CMKLR1: variants seen among roughly 807,000 people sequenced by gnomAD.
The protein encoded by CMKLR1 is chemerin-like receptor 1.
A neutral mutation model predicts 8.2 loss-of-function variants in CMKLR1; 6 were observed. That is an observed-to-expected ratio of 0.73 (90% CI 0.40 to 1.44). The LOEUF (loss-of-function observed/expected upper bound fraction) is 1.44. CMKLR1 is among the 40% of genes most tolerant of loss of function. The pLI is 0.02. For missense variants in CMKLR1, 429 were observed against 478.0 expected (o/e 0.90, Z 0.96); for synonymous variants, 178 against 181.2 (o/e 0.98, Z 0.14).
chr12:108,338,754 A>G (rs1892288561), intron 1 of CMKLR1, among the ~76,000 whole-genome samples: 1 of 152,240 alleles, frequency 6.6e-6, no homozygotes, highest in African/African-American at 2.4e-5. Flanking sequence ...ATATTGGAAG[A>G]ATATAGGTGA....
At chr12:108,338,871 A>T (rs1892290481) in intron 1 of CMKLR1, among the ~76,000 whole-genome samples, 156 bp downstream of exon 1, 1 of 152,254 alleles carries the variant, frequency 6.6e-6, no homozygotes, top group African/African-American at 2.4e-5. Flanking sequence ...TTAAACAATG[A>T]ACATGCATTA....
At position 108,339,046 on chromosome 12, in the gene CMKLR1, C is replaced by T. The variant is rs1366915713; in HGVS notation, c.-306G>A. ...TGATACCTTCCCTCTGGTCTCTGCC[C>T]GGAAGGTCTTCCTGAGGGTTCCCTG... On this transcript the variant is annotated 5_prime_UTR_variant, in exon 1 of 4. Coordinates refer to ENST00000550402, the MANE Select transcript of CMKLR1 (RefSeq NM_001142343.2). 1 of 152,242 alleles carries T rather than the reference C, an allele frequency of 6.6e-6. No individual in the cohort carries two copies. The highest frequency in any genetic ancestry group is 2.4e-5 in the African/African-American group (1 of 41,446). 9.4% of individuals were successfully genotyped at this position (152,242 alleles called of 1,614,324 possible).
At chr12:108,310,994 G>A (rs1891549427) in intron 2 of CMKLR1, among the ~76,000 whole-genome samples, 1 of 150,348 alleles carries the variant, frequency 6.7e-6, no homozygotes, top group African/African-American at 2.5e-5. Flanking sequence ...GCAGATGAAG[G>A]AGCAGTCAGC....
intron 1 of CMKLR1, among the ~76,000 whole-genome samples, 152 bp downstream of exon 1, chr12:108,338,875 T>C (rs1284081805): frequency 6.6e-6 from 1 of 152,246 alleles, no homozygotes; most frequent in African/African-American, 2.4e-5. Flanking sequence ...ACAATGAACA[T>C]GCATTACTTT....
rs144018445 is a variant in CMKLR1, at chr12:108,324,431, G to A, written c.-74+5564C>T. ...TACAATGGAGAGGTGAGGGGAAGAG[G>A]ATCCTATCATGTGGGAGCACTCCCC... is the stretch of plus-strand genomic sequence containing the variant. On this transcript the variant is annotated intron_variant, in intron 2 of 3. Transcript: ENST00000550402. 6.9e-3 allele frequency among the ~76,000 whole-genome samples: 1,057 copies of A among 152,190 alleles called. 4 individuals are homozygous for A. Among genetic ancestry groups the A allele is most frequent in the Non-Finnish European group, 0.012 (793 of 68,012 alleles).
chr12:108,337,243 T>A (rs1892248806), intron 1 of CMKLR1, among the ~76,000 whole-genome samples: 1 of 152,278 alleles, frequency 6.6e-6, no homozygotes, highest in South Asian at 2.1e-4. Flanking sequence ...AATAGTACCT[T>A]CATCATGTGG....
intron 2 of CMKLR1, among the ~76,000 whole-genome samples, chr12:108,301,814 C>T (rs1467221590): frequency 1.3e-5 from 2 of 152,162 alleles, no homozygotes; most frequent in East Asian, 1.9e-4. Flanking sequence ...CACTCAATTG[C>T]TCATCTTGTG....
At chr12:108,321,282 A>T (rs1891855822) in intron 2 of CMKLR1, among the ~76,000 whole-genome samples, 1 of 152,160 alleles carries the variant, frequency 6.6e-6, no homozygotes, top group South Asian at 2.1e-4. Context: ...AAAAAATAAT[A>T]ATGTAATGCA....
intron 2 of CMKLR1, among the ~76,000 whole-genome samples, chr12:108,321,824 G>A (rs899354635): frequency 5.9e-5 from 9 of 152,174 alleles, no homozygotes; most frequent in Non-Finnish European, 7.4e-5. Flanking sequence ...TAGGAATTGA[G>A]CACATATGGT....
intron 2 of CMKLR1, among the ~76,000 whole-genome samples, chr12:108,314,886 C>T (rs558358085): frequency 1.1e-3 from 161 of 151,978 alleles, no homozygotes; most frequent in Non-Finnish European, 9.7e-4. Context: ...CCATCATGCC[C>T]AGCCCGAGGG....
chr12:108,327,637 T>C (rs890905078), intron 2 of CMKLR1, among the ~76,000 whole-genome samples: 3 of 152,206 alleles, frequency 2.0e-5, no homozygotes, highest in African/African-American at 4.8e-5. Flanking sequence ...GGTAGGTACT[T>C]GGCTTATAAG....
intron 2 of CMKLR1, among the ~76,000 whole-genome samples, chr12:108,305,133 C>T (rs942218560): frequency 3.3e-5 from 5 of 152,348 alleles, no homozygotes; most frequent in Admixed American, 1.3e-4. Flanking sequence ...CCAGAGAGTG[C>T]ATGACCCTCT....
At position 108,291,878 on chromosome 12, in the gene CMKLR1, C is replaced by A; in HGVS notation, c.1085G>T (p.Arg362Met). 1 of 1,614,028 alleles carries A rather than the reference C, an allele frequency of 6.2e-7. No individual in the cohort carries two copies. The change falls in exon 4 of 4, where the codon AGG becomes ATG. Residue 362 changes from arginine (R) to methionine (M), a missense_variant. Transcript: ENST00000550402. Reference protein sequence around the residue: ...SFTKMSSMNERTSMNERETGM... With the variant: ...SFTKMSSMNEMTSMNERETGM... ...GGTCTCCCTCTCATTCATAGAAGTCCTCTCATTCATTGATGACATCTTGGT... is the reference window on the plus strand; with the variant it reads ...GGTCTCCCTCTCATTCATAGAAGTCATCTCATTCATTGATGACATCTTGGT...
At chr12:108,295,223 T>G (rs894963575) in intron 2 of CMKLR1, among the ~76,000 whole-genome samples, 2 of 152,224 alleles carry the variant, frequency 1.3e-5, no homozygotes, top group African/African-American at 4.8e-5. Flanking sequence ...TGGTCTCACT[T>G]TAACCCCATA....
At chr12:108,299,546 C>A (rs967178984) in intron 2 of CMKLR1, among the ~76,000 whole-genome samples, 5 of 152,106 alleles carry the variant, frequency 3.3e-5, no homozygotes, top group Admixed American at 6.6e-5. Flanking sequence ...GTCAGTGTTA[C>A]TTTGTTTGGG....
chr12:108,312,948 G>A (rs1303355334), intron 2 of CMKLR1, among the ~76,000 whole-genome samples: 1 of 152,086 alleles, frequency 6.6e-6, no homozygotes, highest in Non-Finnish European at 1.5e-5. Context: ...ATGGAGCTTT[G>A]AAAAATCCCA....
At chr12:108,307,148 G>A (rs1891430713) in intron 2 of CMKLR1, among the ~76,000 whole-genome samples, 1 of 152,194 alleles carries the variant, frequency 6.6e-6, no homozygotes, top group Non-Finnish European at 1.5e-5. Flanking sequence ...GTCCACTCTT[G>A]CAAATAATCC....
chr12:108,323,376 C>T (rs995958886), intron 2 of CMKLR1, among the ~76,000 whole-genome samples: 11 of 151,218 alleles, frequency 7.3e-5, no homozygotes, highest in African/African-American at 2.7e-4. Flanking sequence ...ATTTTTGTGG[C>T]TTATCTGCAG....
At chr12:108,294,245 C>T (rs1891068224) in intron 2 of CMKLR1, among the ~76,000 whole-genome samples, 1 of 152,192 alleles carries the variant, frequency 6.6e-6, no homozygotes, top group East Asian at 1.9e-4. Flanking sequence ...ATTCTCTGGG[C>T]CCTATGGGAA....
Sources: allele counts gnomAD v4.1 joint callset (sites outside exome capture counted in the v4.1 genomes callset), GRCh38; gene constraint gnomAD v4.1.1; transcripts MANE v1.5; gene names NCBI Gene and HGNC (gene_info 2026-07-23, HGNC 2026-07-21).